The following NCAM1 variants were observed in gnomAD, a reference collection of about 807,000 sequenced individuals.
The protein encoded by NCAM1 is antigen recognized by monoclonal antibody 5.1H11.
In NCAM1, 14 loss-of-function variants were observed where a neutral mutation model predicts 109.8. The ratio of observed to expected loss-of-function variants is 0.13; its 90% CI spans 0.08 to 0.20. The LOEUF (loss-of-function observed/expected upper bound fraction) is 0.20. Ranked by LOEUF, NCAM1 falls within the 10% of genes least tolerant of loss-of-function variation. The probability of loss-of-function intolerance (pLI) is 1.00; values close to 1 mark genes in which losing one functional copy is unlikely to be tolerated. For missense variants in NCAM1, 774 were observed against 1,109.9 expected (o/e 0.70, Z 4.30); for synonymous variants, 418 against 442.9 (o/e 0.94, Z 0.70).
chr11:113,031,714 G>C (rs1448159688), intron 1 of NCAM1, among the ~76,000 whole-genome samples: 2 of 151,702 alleles, frequency 1.3e-5, no homozygotes, highest in African/African-American at 4.8e-5. Context: ...AAAAGAAAAA[G>C]AAAAAAGGAC....
intron 1 of NCAM1, among the ~76,000 whole-genome samples, chr11:113,129,337 G>A (rs781819262): frequency 6.6e-6 from 1 of 152,160 alleles, no homozygotes; most frequent in Non-Finnish European, 1.5e-5. Context: ...TGGCAGATTG[G>A]TTTCTACATA....
chr11:113,183,393 G>A (rs1485084060), intron 1 of NCAM1, among the ~76,000 whole-genome samples: 2 of 152,140 alleles, frequency 1.3e-5, no homozygotes, highest in East Asian at 1.9e-4. Context: ...ATTTCAAAAT[G>A]CATTTTTTAC....
chr11:113,272,148 A>G (rs1424201556), intron 19 of NCAM1, among the ~76,000 whole-genome samples: 1 of 152,250 alleles, frequency 6.6e-6, no homozygotes, highest in South Asian at 2.1e-4. Flanking sequence ...AGTTATACAC[A>G]TATTCTGGAA....
rs1049680085 is a variant in NCAM1 at position 113,274,120 on chromosome 11, C to T, written c.2457-1147C>T. ...CCCCCAGTCGGTGTGTTATTCAGTG[C>T]CAGGCTGAGTCCCTACCAGAAAGGC... On this transcript the variant is annotated intron_variant, in intron 19 of 19. Transcript: ENST00000316851. This position sits in a 1 kb window ranked among gnomAD's most constrained non-coding sequence, Gnocchi z 4.1. 1.3e-5 allele frequency among the ~76,000 whole-genome samples: 2 copies of T among 152,268 alleles called. No homozygotes were observed. The highest frequency in any genetic ancestry group is 3.9e-4 in the East Asian group (2 of 5,166).
In NCAM1 at chr11:113,242,903, G is replaced by A. The variant is rs1212345722; in HGVS notation, c.1826-3465G>A. 1.9e-6 allele frequency: 3 copies of A among 1,612,554 alleles called. No homozygotes were observed. In the African/African-American group the frequency reaches 4.0e-5, roughly 22 times the overall value. ...ACCTCTGATCGCTTGTTGTAGAGCC[G>A]ACTTCTAGATTACAGCGCTGCCTGT... On this transcript the variant is annotated intron_variant, in intron 14 of 19. Transcript: ENST00000316851.
Position 113,172,059 on chromosome 11 carries a change from G to A in NCAM1, c.53-30320G>A, listed in dbSNP as rs1489306500. Among the ~76,000 whole-genome samples the A allele has an allele frequency of 3.9e-5, 6 of 152,326 alleles. No homozygotes were observed. The East Asian group carries it at 7.7e-4, about 20-fold the overall frequency. On this transcript the variant is annotated intron_variant, in intron 1 of 19. Coordinates refer to ENST00000316851, the MANE Select transcript of NCAM1 (RefSeq NM_181351.5). Reference sequence around the variant, plus strand: ...CCTGGACAGTACCATAGTACCTTCTGAGGGAGCATAACCCTGGGGACACTT... The same window carrying A: ...CCTGGACAGTACCATAGTACCTTCTAAGGGAGCATAACCCTGGGGACACTT...
intron 1 of NCAM1, among the ~76,000 whole-genome samples, chr11:113,003,228 G>C (rs1240601215): frequency 1.3e-5 from 2 of 152,244 alleles, no homozygotes; most frequent in Non-Finnish European, 2.9e-5. Context: ...CTCTCACTCT[G>C]TGTGTTAGGG....
intron 13 of NCAM1, among the ~76,000 whole-genome samples, chr11:113,234,053 G>C (rs1249362774): frequency 6.6e-6 from 1 of 152,054 alleles, no homozygotes; most frequent in Non-Finnish European, 1.5e-5. Context: ...ACATAGTCCA[G>C]TGCAGTTTCA....
chr11:112,969,099 C>T (rs543798759), intron 1 of NCAM1, among the ~76,000 whole-genome samples: 4 of 152,190 alleles, frequency 2.6e-5, no homozygotes, highest in East Asian at 1.9e-4. Context: ...GGGACTCCCT[C>T]GAGCTGGGCT....
At chr11:113,264,266 T>C (rs782144932) in intron 17 of NCAM1, 169 of 985,306 alleles carry the variant, frequency 1.7e-4, no homozygotes, top group Non-Finnish European at 2.0e-4. Context: ...TATTTTTTAA[T>C]GTTCAAAGAC....
chr11:113,017,634 T>TG (rs1952245108), intron 1 of NCAM1, among the ~76,000 whole-genome samples: 2 of 143,976 alleles, frequency 1.4e-5, no homozygotes, highest in African/African-American at 2.6e-5. Flanking sequence ...TCAGTACTGT[T>TG]TTGTGTGTGT....
At chr11:112,993,082 C>A (rs1302811643) in intron 1 of NCAM1, among the ~76,000 whole-genome samples, 1 of 152,162 alleles carries the variant, frequency 6.6e-6, no homozygotes, top group Non-Finnish European at 1.5e-5. Context: ...TCAACTGATA[C>A]TTTGCTTTTT....
intron 1 of NCAM1, among the ~76,000 whole-genome samples, chr11:113,039,669 T>TG (rs1953008260): frequency 2.0e-5 from 3 of 152,210 alleles, no homozygotes; most frequent in Admixed American, 1.3e-4. Flanking sequence ...ATTATTTGTC[T>TG]GGGGCCTAGA....
intron 1 of NCAM1, among the ~76,000 whole-genome samples, chr11:113,141,832 T>C (rs782487686): frequency 1.3e-5 from 2 of 152,154 alleles, no homozygotes; most frequent in African/African-American, 2.4e-5. Flanking sequence ...TTTTTTGTCA[T>C]CCATATTTTG....
At chr11:113,257,114 ACTGCC>A (rs1945853270) in intron 16 of NCAM1, among the ~76,000 whole-genome samples, 1 of 152,222 alleles carries the variant, frequency 6.6e-6, no homozygotes, top group African/African-American at 2.4e-5. Flanking sequence ...AAGGCCTGTC[ACTGCC>A]CTGAGGCCCA....
chr11:113,061,259 A>C (rs1937626660), intron 1 of NCAM1, among the ~76,000 whole-genome samples: 1 of 152,120 alleles, frequency 6.6e-6, no homozygotes, highest in Non-Finnish European at 1.5e-5. Flanking sequence ...AGCCTGAATA[A>C]TATTCCATTC....
Position 112,998,502 on chromosome 11 carries a change from A to G in NCAM1, c.52+36838A>G, listed in dbSNP as rs536905645. Reference sequence around the variant, plus strand: ...GTATCCTAGTTAGGAAAAAAGGAAAAAAAAATCCTAGGTGTAAGCGTAGTC... The same window carrying G: ...GTATCCTAGTTAGGAAAAAAGGAAAGAAAAATCCTAGGTGTAAGCGTAGTC... On this transcript the variant is annotated intron_variant, in intron 1 of 19. Transcript: ENST00000316851. Among the ~76,000 whole-genome samples the G allele has an allele frequency of 2.0e-5, 3 of 152,260 alleles. No individual in the cohort carries two copies. The South Asian group carries it at 6.2e-4, about 32-fold the overall frequency.
At chr11:113,008,610 G>T (rs192270788) in intron 1 of NCAM1, among the ~76,000 whole-genome samples, 33 of 152,276 alleles carry the variant, frequency 2.2e-4, no homozygotes, top group Admixed American at 2.0e-3. Flanking sequence ...ATTTCAAACT[G>T]AAGCCATTCT....
intron 1 of NCAM1, among the ~76,000 whole-genome samples, chr11:113,103,604 G>C (rs1274381510): frequency 6.6e-6 from 1 of 152,136 alleles, no homozygotes; most frequent in Non-Finnish European, 1.5e-5. Flanking sequence ...CAGTGATAAT[G>C]GGTGGGTTAT....
Sources: gnomAD v4.1 joint callset for allele counts (sites outside exome capture counted in the v4.1 genomes callset) on GRCh38, gnomAD v4.1.1 for gene constraint, Gnocchi (gnomAD v3.1) non-coding constraint, MANE v1.5 for transcripts, NCBI Gene and HGNC (gene_info 2026-07-23, HGNC 2026-07-21) for gene names.